The following RFX6 variants were observed in gnomAD, a reference collection of about 807,000 sequenced individuals.
The protein encoded by RFX6 is regulatory factor X6.
In RFX6, 50 loss-of-function variants were observed where a neutral mutation model predicts 110.8. The observed-to-expected ratio is 0.45, with a 90% CI of 0.36 to 0.57. The LOEUF (loss-of-function observed/expected upper bound fraction) is 0.57. Ranked by LOEUF, RFX6 falls within the 20% of genes least tolerant of loss-of-function variation. RFX6 has a pLI of 0.00. For missense variants in RFX6, 990 were observed against 1,127.0 expected (o/e 0.88, Z 1.74); for synonymous variants, 383 against 411.2 (o/e 0.93, Z 0.83).
chr6:116,885,756 A>G (rs551922574), intron 4 of RFX6, among the ~76,000 whole-genome samples: 1 of 152,270 alleles, frequency 6.6e-6, no homozygotes, highest in South Asian at 2.1e-4. Flanking sequence ...CTTAAACTTT[A>G]TTAACATATT....
At chr6:116,920,286 GTCT>G in intron 11 of RFX6, 21 bp from the exon 12 acceptor site, 1 of 1,591,934 alleles carries the variant, frequency 6.3e-7, no homozygotes, top group South Asian at 1.1e-5. Flanking sequence ...ATAGTGTAGT[GTCT>G]TCTTTACTTT....
intron 6 of RFX6, among the ~76,000 whole-genome samples, chr6:116,908,365 A>T (rs1400908738): frequency 6.6e-6 from 1 of 152,120 alleles, no homozygotes; most frequent in East Asian, 1.9e-4. Context: ...GCTAAAAAAA[A>T]CTTTATTGTT....
intron 18 of RFX6, among the ~76,000 whole-genome samples, chr6:116,929,874 A>G (rs1241527677): frequency 1.3e-5 from 2 of 152,192 alleles, no homozygotes; most frequent in African/African-American, 2.4e-5. Context: ...CACTCAGTGT[A>G]CCTTCCCAAT....
At chr6:116,924,839 T>C in intron 15 of RFX6, 48 bp downstream of exon 15, 1 of 1,373,832 alleles carries the variant, frequency 7.3e-7, no homozygotes. Flanking sequence ...TGTTTTAATC[T>C]TAAGTTCAAG....
At chr6:116,886,512 C>T (rs185325310) in intron 4 of RFX6, among the ~76,000 whole-genome samples, 2 of 152,264 alleles carry the variant, frequency 1.3e-5, no homozygotes, top group Admixed American at 1.3e-4. Flanking sequence ...AAACACTAAT[C>T]TATGTGACAA....
At position 116,931,459 on chromosome 6, in the gene RFX6, C is replaced by A; in HGVS notation, c.2740C>A (p.Pro914Thr). 1 of 1,613,426 alleles carries A rather than the reference C, an allele frequency of 6.2e-7. No individual in the cohort carries two copies. Among genetic ancestry groups the A allele is most frequent in the Non-Finnish European group, 8.5e-7 (1 of 1,179,432 alleles). Residue 914 changes from proline to threonine, a missense_variant, in exon 19 of 19, where the codon CCA becomes ACA. Physicochemically the swap from Pro to Thr is conservative, Grantham distance 38. Around this residue, in one of 5 missense-constraint regions of RFX6, gnomAD observed 438 missense variants for 441.9 expected, o/e 0.99. Transcript: ENST00000332958. ...TSSREMVSSL[P>T]PINTVFMGTA... The stretch of plus-strand genomic sequence containing the variant: ...CAGTAGAGAAATGGTGTCCTCTTTA[C>A]CACCTATCAACACTGTGTTCATGGG...
intron 6 of RFX6, among the ~76,000 whole-genome samples, chr6:116,910,369 G>T (rs1228868081): frequency 2.0e-5 from 3 of 152,146 alleles, no homozygotes; most frequent in Admixed American, 6.5e-5. Flanking sequence ...TTCTCCAAGA[G>T]ATGTGAAAGA....
Position 116,928,755 on chromosome 6 carries a change from A to G in RFX6, c.2399-4A>G. The G allele has an allele frequency of 1.2e-6, 2 of 1,605,288 alleles. No homozygotes were observed. Among genetic ancestry groups the G allele is most frequent in the Non-Finnish European group, 8.5e-7 (1 of 1,171,920 alleles). On this transcript the variant is annotated splice_region_variant and splice_polypyrimidine_tract_variant and intron_variant, in intron 17 of 18. Transcript: ENST00000332958. Reference sequence around the variant, plus strand: ...CAGCAAATTCTCAACATTTTCTGTTACAGGATACTATGGAAGCAACATAAA... The same window carrying G: ...CAGCAAATTCTCAACATTTTCTGTTGCAGGATACTATGGAAGCAACATAAA...
chr6:116,925,417 A>AT, intron 15 of RFX6, 36 bp from the exon 16 acceptor site: 1 of 1,546,560 alleles, frequency 6.5e-7, no homozygotes, highest in Non-Finnish European at 8.9e-7. Flanking sequence ...ATGTGAGAAA[A>AT]AATCTCAAAT....
At chr6:116,904,377 T>A (rs952670742) in intron 6 of RFX6, among the ~76,000 whole-genome samples, 3 of 152,126 alleles carry the variant, frequency 2.0e-5, no homozygotes, top group African/African-American at 7.2e-5. Context: ...TAGTACTTTT[T>A]ATATCTTGTT....
intron 6 of RFX6, among the ~76,000 whole-genome samples, chr6:116,909,951 G>A (rs1775315482): frequency 6.6e-6 from 1 of 151,500 alleles, no homozygotes; most frequent in African/African-American, 2.4e-5. Context: ...ATAAGTTCTA[G>A]AAAGACAGGA....
chr6:116,877,909 A>G lies in RFX6; in HGVS notation c.337A>G (p.Ile113Val), dbSNP rs1330262884. Residue 113 changes from isoleucine (I) to valine (V), a missense_variant, in exon 2 of 19, where the codon ATT (isoleucine) becomes GTT (valine). Ile to Val is a conservative substitution (Grantham distance 29). Transcript: ENST00000332958. ...YLSQKKTITQ[I>V]VKDKKKQTQL... ...GTCTCAGAAGAAAACCATCACGCAG[A>G]TTGTGAAGGATAAAAAGAAGCAGAC... is the stretch of plus-strand genomic sequence containing the variant. 1 of 1,614,186 alleles carries G rather than the reference A, an allele frequency of 6.2e-7. No homozygotes were observed. Among genetic ancestry groups the G allele is most frequent in the Admixed American group, 1.7e-5 (1 of 60,028 alleles).
chr6:116,924,603 C>G, intron 14 of RFX6, 66 bp from the exon 15 acceptor site: 1 of 1,414,206 alleles, frequency 7.1e-7, no homozygotes, highest in Non-Finnish European at 1.0e-6. Context: ...CTTTCCCTTT[C>G]CTTCTCTTTC....
chr6:116,877,330 C>T lies in RFX6; in HGVS notation c.55C>T (p.Gln19Ter). The T allele has an allele frequency of 6.2e-7, 1 of 1,613,014 alleles. No individual in the cohort carries two copies. The highest frequency in any genetic ancestry group is 1.1e-5 in the South Asian group (1 of 90,868). ...CTTCCTGCAGGCGCAGCCTGCGCCC[C>T]AACTGTCCCCGGGGATCCAGGAAGA... ...DTFLQAQPAP[Q>*]LSPGIQEDCC... Residue 19 changes from glutamine (Q) to a stop codon, truncating the protein, a stop_gained, in exon 1 of 19, where the codon CAA becomes TAA. Transcript: ENST00000332958. LOFTEE classifies it high-confidence loss of function.
chr6:116,880,658 C>T lies in RFX6; in HGVS notation c.495C>T (p.Thr165=). 6.2e-7 allele frequency: 1 copy of T among 1,613,462 alleles called. No homozygotes were observed. The highest frequency in any genetic ancestry group is 8.5e-7 in the Non-Finnish European group (1 of 1,179,522). The change falls in exon 3 of 19, where the codon ACC becomes ACT. Residue 165 remains threonine (T), a synonymous_variant. Transcript: ENST00000332958. ...AATTAGAGCCAGCCTGTGCGGCCAC[C>T]TTTGGAAAGGTAAATGACACGTATT... ...KEKLEPACAA[T]FGKTIRQKFP... is the part of the protein sequence containing the mutation.
At position 116,886,274 on chromosome 6, in the gene RFX6, G is replaced by A. The variant is rs191174132; in HGVS notation, c.566+3846G>A. Among the ~76,000 whole-genome samples the A allele has an allele frequency of 5.3e-5, 8 of 152,236 alleles. No individual in the cohort carries two copies. In the East Asian group the frequency reaches 1.5e-3, roughly 29 times the overall value. ...CTGATGATGATTACTTAAAAAATGA[G>A]TTCTCAGTTTGGCCAAATTATTATA... On this transcript the variant is annotated intron_variant, in intron 4 of 18. Transcript: ENST00000332958.
intron 6 of RFX6, among the ~76,000 whole-genome samples, chr6:116,896,685 G>A (rs1447955790): frequency 6.9e-6 from 1 of 145,260 alleles, no homozygotes; most frequent in Non-Finnish European, 1.5e-5. Context: ...TCTAGCCTAG[G>A]CAACAGTGTG....
At chr6:116,929,312 T>C (rs1287572483) in intron 18 of RFX6, among the ~76,000 whole-genome samples, 2 of 152,222 alleles carry the variant, frequency 1.3e-5, no homozygotes, top group Non-Finnish European at 2.9e-5. Context: ...AATATCCTTT[T>C]CTCACTCTTG....
At chr6:116,928,522 A>G (rs556980411) in intron 17 of RFX6, among the ~76,000 whole-genome samples, 1 of 152,210 alleles carries the variant, frequency 6.6e-6, no homozygotes, top group African/African-American at 2.4e-5. Context: ...TGCTATAATT[A>G]TTGTATTAAA....
Sources: allele counts gnomAD v4.1 joint callset (sites outside exome capture counted in the v4.1 genomes callset), GRCh38; gene constraint gnomAD v4.1.1; regional missense constraint gnomAD v4.1.1; transcripts MANE v1.5; gene names NCBI Gene and HGNC (gene_info 2026-07-23, HGNC 2026-07-21).